CCND3: variants seen among roughly 807,000 people sequenced by gnomAD.
The protein encoded by CCND3 is cyclin D3.
CCND3 carries 9 observed loss-of-function variants against 28.7 expected under a neutral mutation model. The ratio of observed to expected loss-of-function variants is 0.31; its 90% CI spans 0.19 to 0.55. The LOEUF (loss-of-function observed/expected upper bound fraction) is 0.55. Ranked by LOEUF, CCND3 falls within the 20% of genes least tolerant of loss-of-function variation. The pLI is 0.93. For synonymous variants in CCND3, 164 were observed against 163.9 expected, an observed-to-expected ratio of 1.00 and a Z score of 0.00; for missense variants, 315 against 385.8, an observed-to-expected ratio of 0.82 and a Z score of 1.54.
intron 1 of CCND3, among the ~76,000 whole-genome samples, chr6:42,031,825 T>G (rs183262884): frequency 2.0e-5 from 3 of 151,616 alleles, no homozygotes; most frequent in Admixed American, 2.0e-4. Context: ...TTTTTTTTTT[T>G]TTTTTTTGAG....
intron 1 of CCND3, among the ~76,000 whole-genome samples, chr6:42,000,634 C>T (rs1762980105): frequency 7.8e-6 from 1 of 128,954 alleles, no homozygotes; most frequent in Non-Finnish European, 1.6e-5. Context: ...ATGGCGCAAT[C>T]TCGGCTCACC....
intron 1 of CCND3, 61 bp from the exon 2 acceptor site, chr6:41,940,646 G>C: frequency 8.4e-7 from 1 of 1,194,666 alleles, no homozygotes; most frequent in South Asian, 1.2e-5. Flanking sequence ...CAGCGGGGGG[G>C]TGGGAGCGCT....
chr6:42,048,846 C>G lies in CCND3; in HGVS notation c.-391G>C. On this transcript the variant is annotated 5_prime_UTR_variant, in exon 1 of 5. Transcript: ENST00000372988. The surrounding 1 kb of genome is among the most constrained non-coding windows in gnomAD (Gnocchi z 4.7). ...CCCTCGGCGAGGCCAGGAGGCTCAT[C>G]CGGCGCCGCGCACCCCCGCCCGCAG... The G allele has an allele frequency of 3.1e-6, 1 of 325,634 alleles. No individual in the cohort carries two copies. Among genetic ancestry groups the G allele is most frequent in the South Asian group, 2.3e-5 (1 of 44,054 alleles). 20.2% of individuals were successfully genotyped at this position (325,634 alleles called of 1,614,324 possible).
chr6:42,003,975 A>G (rs746357068), intron 1 of CCND3, among the ~76,000 whole-genome samples: 8 of 151,328 alleles, frequency 5.3e-5, no homozygotes, highest in Non-Finnish European at 1.2e-4. Context: ...CATCAAAAAG[A>G]CTAACAAAAC....
chr6:41,987,208 C>G (rs1762502475), intron 1 of CCND3, among the ~76,000 whole-genome samples: 1 of 151,988 alleles, frequency 6.6e-6, no homozygotes, highest in South Asian at 2.1e-4. Context: ...CTCTTTTGAG[C>G]TCCTCACTTT....
At chr6:42,006,580 C>T (rs1213398898) in intron 1 of CCND3, among the ~76,000 whole-genome samples, 2 of 152,084 alleles carry the variant, frequency 1.3e-5, no homozygotes, top group Non-Finnish European at 2.9e-5. Flanking sequence ...ATATGACTAT[C>T]TACGTGGAAT....
chr6:41,964,811 G>C (rs1761839555), intron 1 of CCND3, among the ~76,000 whole-genome samples: 1 of 151,678 alleles, frequency 6.6e-6, no homozygotes, highest in African/African-American at 2.4e-5. Flanking sequence ...CCAGTAAGTA[G>C]AGAGCAGTTA....
chr6:42,002,094 G>A (rs1763028415), intron 1 of CCND3, among the ~76,000 whole-genome samples: 1 of 135,272 alleles, frequency 7.4e-6, no homozygotes, highest in Non-Finnish European at 1.6e-5. Flanking sequence ...CAGCCTGGGT[G>A]AGAAGAGCAA....
intron 1 of CCND3, among the ~76,000 whole-genome samples, chr6:41,953,364 G>A (rs972497701): frequency 6.6e-6 from 1 of 151,958 alleles, no homozygotes; most frequent in Admixed American, 6.6e-5. Flanking sequence ...AACTGGGCAA[G>A]TGCCTTGACT....
chr6:41,941,792 C>T lies in CCND3; in HGVS notation c.-143G>A, dbSNP rs1409218458. On this transcript the variant is annotated 5_prime_UTR_variant, in exon 1 of 5. Transcript: ENST00000372991. The surrounding 1 kb of genome is among the most constrained non-coding windows in gnomAD (Gnocchi z 6.1). ...CCAGCCCGCCCGCCGCCCGCGCGCG[C>T]GCGCCGCTTCCCTGACAGGCGCCCC... 2 of 389,338 alleles carry T rather than the reference C, an allele frequency of 5.1e-6. No homozygotes were observed. The highest frequency in any genetic ancestry group is 8.4e-6 in the Non-Finnish European group (2 of 239,330). The allele number at this position is 389,338 out of a possible 1,614,324, so 24.1% of individuals were successfully genotyped here. A position where few individuals can be genotyped will look rare whatever the true frequency, so the allele number is the denominator to read the frequency against.
At chr6:41,976,822 G>C (rs943507168) in intron 1 of CCND3, among the ~76,000 whole-genome samples, 1 of 152,090 alleles carries the variant, frequency 6.6e-6, no homozygotes, top group Non-Finnish European at 1.5e-5. Context: ...CCTCAATGAC[G>C]CCTCCTGGCC....
intron 1 of CCND3, among the ~76,000 whole-genome samples, chr6:41,981,883 C>T (rs988542202): frequency 1.3e-5 from 2 of 152,130 alleles, no homozygotes; most frequent in African/African-American, 4.8e-5. Flanking sequence ...CACCTGTAGT[C>T]CCAGCTACCC....
At chr6:42,044,246 AAGC>A (rs777642884) in intron 1 of CCND3, among the ~76,000 whole-genome samples, 1 of 152,220 alleles carries the variant, frequency 6.6e-6, no homozygotes, top group Non-Finnish European at 1.5e-5. Context: ...GCTGGATCAA[AAGC>A]AGTTCTCTGG....
At position 42,032,472 on chromosome 6, in the gene CCND3, T is replaced by C. The variant is rs150629183; in HGVS notation, c.-46+16029A>G. 4.9e-3 allele frequency among the ~76,000 whole-genome samples: 748 copies of C among 152,338 alleles called. 4 individuals carry two copies. Among genetic ancestry groups the C allele is most frequent in the Admixed American group, 8.7e-3 (133 of 15,296 alleles). On this transcript the variant is annotated intron_variant, in intron 1 of 4. Transcript: ENST00000372988. The stretch of plus-strand genomic sequence containing the variant: ...TACCAAGGCAGAGGCCTGGGATCTT[T>C]TGCAGGCATTTGATTTCAATACCTA...
At chr6:42,045,652 A>G (rs1228104750) in intron 1 of CCND3, among the ~76,000 whole-genome samples, 1 of 152,226 alleles carries the variant, frequency 6.6e-6, no homozygotes. Flanking sequence ...ACTTGTTCCA[A>G]TGCCATTTCT....
intron 3 of CCND3, chr6:41,937,026 C>A: frequency 3.2e-6 from 2 of 620,486 alleles, no homozygotes; most frequent in Non-Finnish European, 5.6e-6. Context: ...TCTCTCTATA[C>A]CCTCAGTGTC....
intron 1 of CCND3, among the ~76,000 whole-genome samples, chr6:41,947,090 G>T (rs770648562): frequency 6.6e-6 from 1 of 151,900 alleles, no homozygotes; most frequent in Non-Finnish European, 1.5e-5. Flanking sequence ...GCATGGTGGC[G>T]CATGCCTGTA....
At chr6:41,960,604 T>C (rs1359148922) in intron 1 of CCND3, among the ~76,000 whole-genome samples, 1 of 152,160 alleles carries the variant, frequency 6.6e-6, no homozygotes, top group Non-Finnish European at 1.5e-5. Context: ...GGGAGTACTA[T>C]CTACCTCAGA....
At chr6:42,033,489 T>TACAC (rs144583266) in intron 1 of CCND3, among the ~76,000 whole-genome samples, 73,925 of 149,550 alleles carry the variant, frequency 0.49, 18,409 homozygotes, top group East Asian at 0.63. Context: ...TATGCACACA[T>TACAC]ACACACACAC....
Sources: allele counts gnomAD v4.1 joint callset (sites outside exome capture counted in the v4.1 genomes callset), GRCh38; gene constraint gnomAD v4.1.1; non-coding constraint Gnocchi (gnomAD v3.1); transcripts MANE v1.5; gene names NCBI Gene and HGNC (gene_info 2026-07-23, HGNC 2026-07-21).